Variants in FHIT observed in about 807,000 individuals in gnomAD.
FHIT encodes the protein bis(5'-adenosyl)-triphosphatase.
A neutral mutation model predicts 17.9 loss-of-function variants in FHIT; 19 were observed. The ratio of observed to expected loss-of-function variants is 1.06; its 90% CI spans 0.74 to 1.56. FHIT has a LOEUF of 1.56. Among genes scored for constraint, FHIT ranks in the 40% most tolerant of loss-of-function variants. The pLI, the probability that FHIT is intolerant of heterozygous loss-of-function variation, is 0.00. For missense variants in FHIT, 248 were observed against 189.2 expected (o/e 1.31, Z -1.82); for synonymous variants, 81 against 69.7 (o/e 1.16, Z -0.81).
intron 7 of FHIT, among the ~76,000 whole-genome samples, chr3:59,982,795 C>T (rs1409862283): frequency 6.6e-6 from 1 of 152,132 alleles, no homozygotes; most frequent in Non-Finnish European, 1.5e-5. Context: ...ACATCAGCCC[C>T]AGTCCCTACT....
intron 5 of FHIT, among the ~76,000 whole-genome samples, chr3:60,102,558 G>A (rs574066346): frequency 6.6e-6 from 1 of 151,956 alleles, no homozygotes; most frequent in East Asian, 1.9e-4. Flanking sequence ...TCCCCAAGAA[G>A]GCACAAAGTA....
intron 3 of FHIT, among the ~76,000 whole-genome samples, chr3:60,920,874 G>C (rs1365523941): frequency 2.0e-5 from 3 of 152,176 alleles, no homozygotes; most frequent in African/African-American, 7.2e-5. Flanking sequence ...GGAGGCATTA[G>C]AGAGTTTTGA....
At chr3:60,825,237 G>C (rs942382220) in intron 3 of FHIT, among the ~76,000 whole-genome samples, 1 of 152,004 alleles carries the variant, frequency 6.6e-6, no homozygotes, top group Admixed American at 6.6e-5. Context: ...CACATAAGGG[G>C]ACATATATTA....
intron 4 of FHIT, among the ~76,000 whole-genome samples, chr3:60,580,087 C>T (rs1553659154): frequency 6.6e-6 from 1 of 152,096 alleles, no homozygotes; most frequent in East Asian, 1.9e-4. Flanking sequence ...ATTCCTTCTC[C>T]CTTCCCAAGA....
chr3:60,284,103 A>G (rs1445587961), intron 5 of FHIT, among the ~76,000 whole-genome samples: 1 of 152,136 alleles, frequency 6.6e-6, no homozygotes, highest in Non-Finnish European at 1.5e-5. Flanking sequence ...AAAATATTCA[A>G]TAAGAAGGAA....
At chr3:60,135,092 G>A (rs984996999) in intron 5 of FHIT, among the ~76,000 whole-genome samples, 1 of 152,098 alleles carries the variant, frequency 6.6e-6, no homozygotes, top group East Asian at 1.9e-4. Flanking sequence ...AAAGTCAGAG[G>A]ACACTCAGAA....
intron 8 of FHIT, among the ~76,000 whole-genome samples, chr3:59,914,401 A>G (rs1705032393): frequency 6.6e-6 from 1 of 152,110 alleles, no homozygotes; most frequent in Non-Finnish European, 1.5e-5. Flanking sequence ...CCAGGACTCT[A>G]TGTCTCCAAA....
chr3:60,300,872 A>G (rs1235479425), intron 5 of FHIT, among the ~76,000 whole-genome samples: 1 of 152,000 alleles, frequency 6.6e-6, no homozygotes, highest in Non-Finnish European at 1.5e-5. Context: ...TAGCTCTCAG[A>G]TCCATCTGCT....
chr3:61,184,003 T>C (rs1255335773), intron 2 of FHIT, among the ~76,000 whole-genome samples: 2 of 152,118 alleles, frequency 1.3e-5, no homozygotes, highest in Non-Finnish European at 1.5e-5. Flanking sequence ...CTGAATCTCC[T>C]ATACTTGTAA....
intron 5 of FHIT, among the ~76,000 whole-genome samples, chr3:60,339,648 G>T (rs1710418645): frequency 6.6e-6 from 1 of 152,164 alleles, no homozygotes; most frequent in African/African-American, 2.4e-5. Flanking sequence ...GGAAATATTT[G>T]TAGCCAACAT....
At chr3:60,116,859 T>A (rs367569988) in intron 5 of FHIT, among the ~76,000 whole-genome samples, 1 of 71,822 alleles carries the variant, frequency 1.4e-5, no homozygotes, top group Non-Finnish European at 2.6e-5. Flanking sequence ...CACAAAAAAA[T>A]TAAGGGGAGT....
intron 5 of FHIT, among the ~76,000 whole-genome samples, chr3:60,363,861 G>A (rs1024338681): frequency 2.0e-5 from 3 of 152,108 alleles, no homozygotes; most frequent in Admixed American, 6.5e-5. Context: ...GGTCCTTCCT[G>A]GAAGGTCACC....
At chr3:60,863,092 C>T (rs1703993476) in intron 3 of FHIT, among the ~76,000 whole-genome samples, 1 of 152,036 alleles carries the variant, frequency 6.6e-6, no homozygotes, top group African/African-American at 2.4e-5. Flanking sequence ...AGCTATGCTG[C>T]AGAGGGAAAG....
At chr3:60,229,157 C>T (rs1704367038) in intron 5 of FHIT, among the ~76,000 whole-genome samples, 1 of 152,132 alleles carries the variant, frequency 6.6e-6, no homozygotes, top group South Asian at 2.1e-4. Flanking sequence ...TGGCTCATGC[C>T]TGTAATCGCA....
intron 5 of FHIT, among the ~76,000 whole-genome samples, chr3:60,345,997 A>T (rs1284716960): frequency 6.6e-6 from 1 of 152,174 alleles, no homozygotes; most frequent in African/African-American, 2.4e-5. Context: ...TTGCTCTGCA[A>T]AGCTTGGTCT....
At chr3:60,525,405 G>C (rs185022727) in intron 5 of FHIT, among the ~76,000 whole-genome samples, 1 of 152,046 alleles carries the variant, frequency 6.6e-6, no homozygotes, top group Non-Finnish European at 1.5e-5. Flanking sequence ...GAATTGAAGG[G>C]ATCACACCCT....
intron 4 of FHIT, among the ~76,000 whole-genome samples, chr3:60,576,501 G>T (rs1327935237): frequency 6.6e-6 from 1 of 152,102 alleles, no homozygotes; most frequent in African/African-American, 2.4e-5. Flanking sequence ...AGTCCTTGGA[G>T]CATAAAAAAA....
chr3:60,274,429 T>C (rs985440322), intron 5 of FHIT, among the ~76,000 whole-genome samples: 2 of 152,180 alleles, frequency 1.3e-5, no homozygotes, highest in Admixed American at 6.5e-5. Context: ...TTTACCTGAA[T>C]GCTTACCTAA....
At chr3:60,627,268 G>T (rs552888907) in intron 4 of FHIT, among the ~76,000 whole-genome samples, 1 of 152,214 alleles carries the variant, frequency 6.6e-6, no homozygotes. Flanking sequence ...GGTAGAATTG[G>T]CCAGTGAAGT....
Sources: allele counts gnomAD v4.1 joint callset (sites outside exome capture counted in the v4.1 genomes callset), GRCh38; gene constraint gnomAD v4.1.1; transcripts MANE v1.5; gene names NCBI Gene and HGNC (gene_info 2026-07-23, HGNC 2026-07-21).